Variants in PTPRQ observed in about 807,000 individuals in gnomAD.
PTPRQ encodes the protein protein tyrosine phosphatase receptor type Q, also known as phosphatidylinositol phosphatase PTPRQ.
Under a neutral mutation model 246.0 loss-of-function variants are expected in PTPRQ, and 199 were observed. That is an observed-to-expected ratio of 0.81 (90% CI 0.72 to 0.91). The LOEUF is 0.91. Ranked by LOEUF, PTPRQ falls within the 40% of genes least tolerant of loss-of-function variation. The pLI is 0.00. For missense variants in PTPRQ, 2,624 were observed against 2,528.4 expected, an observed-to-expected ratio of 1.04 and a Z score of -0.81; for synonymous variants, 869 against 853.2, an observed-to-expected ratio of 1.02 and a Z score of -0.32.
In PTPRQ at chr12:80,493,261, A is replaced by G; in HGVS notation, c.1360-14A>G. ...ACTGTCACAGTCTTTTAAAATATCT[A>G]CTTTTAATTACAGTATATAAATGAC... is the stretch of plus-strand genomic sequence containing the variant. On this transcript the variant is annotated splice_polypyrimidine_tract_variant and intron_variant, in intron 9 of 44. Coordinates refer to ENST00000644991, the MANE Select transcript of PTPRQ (RefSeq NM_001145026.2). The G allele has an allele frequency of 2.1e-6, 3 of 1,429,964 alleles. No individual in the cohort carries two copies. The highest frequency in any genetic ancestry group is 1.6e-5 in the South Asian group (1 of 60,736). The allele number at this position is 1,429,964 out of a possible 1,614,324, so 88.6% of individuals were successfully genotyped here.
chr12:80,539,684 T>A, intron 19 of PTPRQ, 92 bp from the exon 20 acceptor site: 1 of 1,041,036 alleles, frequency 9.6e-7, no homozygotes. Flanking sequence ...TAATGATAAA[T>A]AGTAAAATCG....
At chr12:80,595,123 C>A in intron 26 of PTPRQ, among the ~76,000 whole-genome samples, 1 of 152,140 alleles carries the variant, frequency 6.6e-6, no homozygotes, top group South Asian at 2.1e-4. Context: ...GCTTTGTTTT[C>A]GCTATGTTTT....
chr12:80,648,904 A>G lies in PTPRQ; in HGVS notation c.5923A>G (p.Ser1975Gly), dbSNP rs1262740274. Reference sequence around the variant, plus strand: ...ACACAATCTCTATTGCAGGTTACTTAGTTATAGAAAATCCATCAAGTAAGT... The same window carrying G: ...ACACAATCTCTATTGCAGGTTACTTGGTTATAGAAAATCCATCAAGTAAGT... ...LKDERLTRLLSYRKSIKPISK... is the reference protein window; with the variant it reads ...LKDERLTRLLGYRKSIKPISK... The change falls in exon 36 of 45, where the codon AGT becomes GGT. Residue 1975 changes from serine to glycine, a missense_variant. Coordinates refer to ENST00000644991, the MANE Select transcript of PTPRQ (RefSeq NM_001145026.2). 4 of 1,527,648 alleles carry G rather than the reference A, an allele frequency of 2.6e-6. No individual in the cohort carries two copies. The highest frequency in any genetic ancestry group is 1.7e-4 in the Middle Eastern group (1 of 5,958). 94.6% of individuals were successfully genotyped at this position (1,527,648 alleles called of 1,614,324 possible). A position where few individuals can be genotyped will look rare whatever the true frequency, so the allele number is the denominator to read the frequency against.
chr12:80,528,571 T>C (rs1264876064), intron 17 of PTPRQ, among the ~76,000 whole-genome samples: 3 of 152,152 alleles, frequency 2.0e-5, no homozygotes, highest in African/African-American at 7.2e-5. Context: ...CTCAGAAATT[T>C]TCCCAAATCA....
Position 80,547,816 on chromosome 12 carries a change from G to GC in PTPRQ, c.4015+1122dup, listed in dbSNP as rs555717662. Among the ~76,000 whole-genome samples the GC allele has an allele frequency of 6.6e-5, 10 of 152,190 alleles. No homozygotes were observed. The East Asian group carries it at 1.4e-3, about 21-fold the overall frequency. ...ATAGAGTGTTGTACACACAGTAAAT[G>GC]CCCACTTCATAGAGTGTTGGACACA... On this transcript the variant is annotated intron_variant, in intron 24 of 44. Coordinates refer to ENST00000644991, the MANE Select transcript of PTPRQ (RefSeq NM_001145026.2).
intron 37 of PTPRQ, among the ~76,000 whole-genome samples, chr12:80,651,450 A>C (rs779788388): frequency 6.6e-6 from 1 of 152,080 alleles, no homozygotes; most frequent in Admixed American, 6.6e-5. Flanking sequence ...TAAAGGAAAA[A>C]AGGTGTTCCA....
intron 17 of PTPRQ, chr12:80,525,906 A>C (rs1028757056): frequency 1.1e-4 from 16 of 152,270 alleles, no homozygotes; most frequent in African/African-American, 3.1e-4. Flanking sequence ...TTTCTTGTTT[A>C]ATAAGGATCT....
At chr12:80,672,563 A>T (rs985178027) in intron 42 of PTPRQ, among the ~76,000 whole-genome samples, 1 of 152,038 alleles carries the variant, frequency 6.6e-6, no homozygotes, top group African/African-American at 2.4e-5. Context: ...TTCTGACAAT[A>T]GGAATTTCCG....
intron 17 of PTPRQ, among the ~76,000 whole-genome samples, chr12:80,514,589 AAT>A (rs1223880600): frequency 1.6e-4 from 22 of 134,654 alleles, no homozygotes; most frequent in Non-Finnish European, 3.1e-4. Context: ...TATATTATAT[AAT>A]ATATATAATA....
chr12:80,556,038 T>G (rs1288336888), intron 25 of PTPRQ, among the ~76,000 whole-genome samples: 2 of 152,196 alleles, frequency 1.3e-5, no homozygotes, highest in Non-Finnish European at 2.9e-5. Flanking sequence ...CTTGAAGATT[T>G]TTTTTTTGAG....
intron 27 of PTPRQ, among the ~76,000 whole-genome samples, chr12:80,608,808 T>C (rs1365624223): frequency 6.6e-6 from 1 of 150,514 alleles, no homozygotes; most frequent in Admixed American, 6.6e-5. Flanking sequence ...GGGGCTCCAA[T>C]GAATGGGACC....
intron 14 of PTPRQ, among the ~76,000 whole-genome samples, chr12:80,498,298 A>G (rs1203944129): frequency 1.3e-5 from 2 of 152,104 alleles, no homozygotes; most frequent in East Asian, 3.9e-4. Flanking sequence ...GTTTCACAGA[A>G]ACTGTCTTTT....
chr12:80,500,816 C>A (rs116401092), intron 14 of PTPRQ, among the ~76,000 whole-genome samples: 1,811 of 152,002 alleles, frequency 0.012, 41 homozygotes, highest in African/African-American at 0.042. Flanking sequence ...AAACTTGACA[C>A]TAGACAATCA....
chr12:80,496,162 C>A (rs1894613330), intron 13 of PTPRQ, 56 bp downstream of exon 13: 1 of 1,543,360 alleles, frequency 6.5e-7, no homozygotes, highest in African/African-American at 1.4e-5. Flanking sequence ...TAAATGCTCA[C>A]TGCCTTCACT....
chr12:80,546,760 T>A lies in PTPRQ; in HGVS notation c.4015+63T>A, dbSNP rs142680742. 7.3e-6 allele frequency: 11 copies of A among 1,511,388 alleles called. No individual in the cohort carries two copies. In the African/African-American group the frequency reaches 1.1e-4, roughly 15 times the overall value. 93.6% of individuals were successfully genotyped at this position (1,511,388 alleles called of 1,614,324 possible). Reference sequence around the variant, plus strand: ...ATATTTAACACCTTTCTTTTCCTTTTCTTAGTTTATATGATAAAGTATCAT... The same window carrying A: ...ATATTTAACACCTTTCTTTTCCTTTACTTAGTTTATATGATAAAGTATCAT... On this transcript the variant is annotated intron_variant, in intron 24 of 44. Coordinates refer to ENST00000644991, the MANE Select transcript of PTPRQ (RefSeq NM_001145026.2).
chr12:80,654,367 A>C (rs1389670888), intron 38 of PTPRQ, among the ~76,000 whole-genome samples: 1 of 152,166 alleles, frequency 6.6e-6, no homozygotes, highest in Non-Finnish European at 1.5e-5. Flanking sequence ...TCTTTTAGAG[A>C]GTTAACCTAG....
At chr12:80,463,716 C>A (rs57351588) in intron 6 of PTPRQ, among the ~76,000 whole-genome samples, 11,254 of 150,930 alleles carry the variant, frequency 0.075, 517 homozygotes, top group East Asian at 0.21. Flanking sequence ...CAATATTCAA[C>A]ATTCTTAAAG....
intron 35 of PTPRQ, among the ~76,000 whole-genome samples, chr12:80,638,794 A>G (rs1183583827): frequency 6.6e-6 from 1 of 152,222 alleles, no homozygotes; most frequent in Non-Finnish European, 1.5e-5. Context: ...ATATACTAAA[A>G]TAACGTTTTA....
At position 80,496,403 on chromosome 12, in the gene PTPRQ, C is replaced by T; in HGVS notation, c.2144C>T (p.Ser715Leu). The T allele has an allele frequency of 6.4e-7, 1 of 1,550,662 alleles. No homozygotes were observed. Among genetic ancestry groups the T allele is most frequent in the Non-Finnish European group, 8.7e-7 (1 of 1,146,364 alleles). ...NIDTLYMKNT[S>L]TTDIILRNLR... ...GATACTTTATATATGAAGAACACAT[C>T]AACAACAGACATAATATTAAGGAAC... Residue 715 changes from serine (S) to leucine (L), a missense_variant, in exon 14 of 45, where the codon TCA becomes TTA. By Grantham distance (145) the Ser-to-Leu change is moderately radical. Transcript: ENST00000644991.
Sources: gnomAD v4.1 joint callset for allele counts (sites outside exome capture counted in the v4.1 genomes callset) on GRCh38, gnomAD v4.1.1 for gene constraint, MANE v1.5 for transcripts, NCBI Gene and HGNC (gene_info 2026-07-23, HGNC 2026-07-21) for gene names.